Variants in NTM observed in about 807,000 individuals in gnomAD.
NTM encodes the protein IgLON family member 2.
In NTM, 13 loss-of-function variants were observed where a neutral mutation model predicts 42.1. That is an observed-to-expected ratio of 0.31 (90% confidence interval 0.20 to 0.49). The LOEUF is 0.49. Ranked by LOEUF, NTM falls within the 20% of genes least tolerant of loss-of-function variation. The pLI is 0.99. For synonymous variants in NTM, 187 were observed against 179.2 expected (o/e 1.04, Z -0.35); for missense variants, 373 against 452.8 (o/e 0.82, Z 1.60).
intron 2 of NTM, among the ~76,000 whole-genome samples, chr11:132,044,202 A>G (rs2077661498): frequency 6.6e-6 from 1 of 151,900 alleles, no homozygotes; most frequent in African/African-American, 2.4e-5. Context: ...TATCATTTAA[A>G]TGGGTCTTAT....
rs140872646 is a variant in NTM at position 131,933,819 on chromosome 11, A to G, written c.167+22171A>G. Among the ~76,000 whole-genome samples, 136 of 152,304 alleles carry G rather than the reference A, an allele frequency of 8.9e-4. 1 individual carries two copies. The highest frequency in any genetic ancestry group is 3.4e-3 in the Middle Eastern group (1 of 294). On this transcript the variant is annotated intron_variant, in intron 2 of 8. Transcript: ENST00000683400. ...AAAAGCGTGAACTGGGTAATTAAGT[A>G]GTCAGAAATATATTTAATAATAATA...
chr11:131,916,087 T>C (rs539243065), intron 2 of NTM, among the ~76,000 whole-genome samples: 23 of 152,280 alleles, frequency 1.5e-4, no homozygotes, highest in African/African-American at 4.8e-4. Flanking sequence ...GAGTACACCA[T>C]GAAAACGTGG....
chr11:132,179,948 C>T (rs967223538), intron 3 of NTM, among the ~76,000 whole-genome samples: 15 of 152,248 alleles, frequency 9.9e-5, no homozygotes, highest in Admixed American at 2.0e-4. Flanking sequence ...ATCTCAGTGC[C>T]TCCATTTCGT....
intron 1 of NTM, among the ~76,000 whole-genome samples, chr11:131,455,788 C>T (rs1427041387): frequency 3.3e-5 from 5 of 152,040 alleles, no homozygotes; most frequent in Non-Finnish European, 7.4e-5. Flanking sequence ...AGCAAGGCAG[C>T]GGGCATACCT....
intron 2 of NTM, among the ~76,000 whole-genome samples, chr11:131,961,243 A>C (rs2062134603): frequency 2.0e-5 from 3 of 152,320 alleles, no homozygotes; most frequent in African/African-American, 7.2e-5. Flanking sequence ...CCTGTTGATT[A>C]TGCAGGAAAT....
At position 131,585,817 on chromosome 11, in the gene NTM, C is replaced by T. The variant is rs555439396; in HGVS notation, c.82+214929C>T. Among the ~76,000 whole-genome samples the T allele has an allele frequency of 4.6e-5, 7 of 152,122 alleles. No individual in the cohort carries two copies. In the South Asian group the frequency reaches 1.0e-3, roughly 23 times the overall value. On this transcript the variant is annotated intron_variant, in intron 1 of 8. Coordinates refer to ENST00000683400, the MANE Select transcript of NTM (RefSeq NM_001352005.2). ...GCTCATTTTCTCTTTGTGTCCTTTCCTTTTTCCCACTGTGGCTCCAGGCCA... is the reference window on the plus strand; with the variant it reads ...GCTCATTTTCTCTTTGTGTCCTTTCTTTTTTCCCACTGTGGCTCCAGGCCA...
intron 1 of NTM, among the ~76,000 whole-genome samples, chr11:131,514,505 A>G (rs546617922): frequency 6.6e-6 from 1 of 152,348 alleles, no homozygotes; most frequent in Non-Finnish European, 1.5e-5. Context: ...GGTGGAATTC[A>G]GGTATCTGTA....
intron 1 of NTM, among the ~76,000 whole-genome samples, chr11:131,733,993 G>A (rs949960863): frequency 2.0e-5 from 3 of 151,936 alleles, no homozygotes; most frequent in Non-Finnish European, 4.4e-5. Context: ...TTTTGTCTAC[G>A]TTAATAATTA....
chr11:131,954,335 C>G (rs755065690), intron 2 of NTM, among the ~76,000 whole-genome samples: 3 of 152,238 alleles, frequency 2.0e-5, no homozygotes, highest in Non-Finnish European at 4.4e-5. Flanking sequence ...AGGAGGGTGA[C>G]TGTCGCTGCT....
At chr11:131,570,713 C>T (rs997824299) in intron 1 of NTM, among the ~76,000 whole-genome samples, 3 of 152,248 alleles carry the variant, frequency 2.0e-5, no homozygotes, top group East Asian at 3.9e-4. Context: ...GTCCCAGCCA[C>T]GCAGGAGCCT....
chr11:131,704,306 C>G (rs1032190576), intron 1 of NTM, among the ~76,000 whole-genome samples: 1 of 152,184 alleles, frequency 6.6e-6, no homozygotes, highest in East Asian at 1.9e-4. Flanking sequence ...GACCAAGGCT[C>G]TAGTCTTGCC....
At chr11:132,138,470 C>G (rs1244320583) in intron 2 of NTM, among the ~76,000 whole-genome samples, 17 of 152,138 alleles carry the variant, frequency 1.1e-4, no homozygotes, top group Non-Finnish European at 4.4e-5. Flanking sequence ...GTACAGGAAA[C>G]AGTGAAAAGT....
intron 1 of NTM, among the ~76,000 whole-genome samples, chr11:131,480,761 C>G (rs7108990): frequency 0.1 from 15,611 of 151,038 alleles, 1,604 homozygotes; most frequent in East Asian, 0.46. Context: ...GAAGAGTGGC[C>G]AGCTCTGTCT....
At chr11:131,725,855 C>T (rs1565471944) in intron 1 of NTM, among the ~76,000 whole-genome samples, 1 of 152,128 alleles carries the variant, frequency 6.6e-6, no homozygotes, top group South Asian at 2.1e-4. Context: ...ATCAGAACCA[C>T]CTGGAGAGCT....
chr11:132,248,337 T>C (rs1346638214), intron 4 of NTM, among the ~76,000 whole-genome samples: 1 of 152,190 alleles, frequency 6.6e-6, no homozygotes, highest in East Asian at 1.9e-4. Flanking sequence ...CTCTCTCTCT[T>C]TTATTTTTAT....
At chr11:132,040,793 C>T (rs1326774765) in intron 2 of NTM, among the ~76,000 whole-genome samples, 1 of 151,956 alleles carries the variant, frequency 6.6e-6, no homozygotes, top group Non-Finnish European at 1.5e-5. Context: ...TTAACCTGTT[C>T]AAGTCTTGAG....
chr11:131,916,428 C>G (rs1177177831), intron 2 of NTM, among the ~76,000 whole-genome samples: 1 of 152,174 alleles, frequency 6.6e-6, no homozygotes, highest in Non-Finnish European at 1.5e-5. Flanking sequence ...TCCATCGCGC[C>G]TCTAGACCAT....
At chr11:131,587,149 A>C (rs1181839911) in intron 1 of NTM, among the ~76,000 whole-genome samples, 1 of 152,170 alleles carries the variant, frequency 6.6e-6, no homozygotes, top group Non-Finnish European at 1.5e-5. Context: ...TCCATTTTAC[A>C]GATAAGGTAG....
intron 1 of NTM, among the ~76,000 whole-genome samples, chr11:131,544,798 C>T (rs916802427): frequency 2.0e-5 from 3 of 152,156 alleles, no homozygotes; most frequent in East Asian, 1.9e-4. Context: ...CTCCTGGGGG[C>T]GCCGCTTGCT....
Sources: gnomAD v4.1 joint callset for allele counts (sites outside exome capture counted in the v4.1 genomes callset) on GRCh38, gnomAD v4.1.1 for gene constraint, MANE v1.5 for transcripts, NCBI Gene and HGNC (gene_info 2026-07-23, HGNC 2026-07-21) for gene names.